HGSNAT: variants seen among roughly 807,000 people sequenced by gnomAD.
HGSNAT encodes heparan-alpha-glucosaminide N-acetyltransferase.
HGSNAT carries 59 observed loss-of-function variants against 85.2 expected under a neutral mutation model. The ratio of observed to expected loss-of-function variants is 0.69; its 90% CI spans 0.56 to 0.86. HGSNAT has a LOEUF of 0.86. Among genes scored for constraint, HGSNAT ranks in the 40% least tolerant of loss-of-function variants. The pLI is 0.00. For missense variants in HGSNAT, 756 were observed against 777.1 expected (o/e 0.97, Z 0.32); for synonymous variants, 321 against 304.5 (o/e 1.05, Z -0.56).
At chr8:43,172,745 GTCT>G (rs1276055586) in intron 8 of HGSNAT, among the ~76,000 whole-genome samples, 1 of 152,212 alleles carries the variant, frequency 6.6e-6, no homozygotes, top group African/African-American at 2.4e-5. Context: ...TGGGGGCTCT[GTCT>G]TCTAGGACTT....
rs1803880157 is a variant in HGSNAT at position 43,178,172 on chromosome 8, G to A, written c.950G>A (p.Arg317Lys). The change falls in exon 10 of 18, where the codon AGG (arginine) becomes AAG (lysine). Residue 317 changes from arginine to lysine, a missense_variant. Physicochemically the swap from Arg to Lys is conservative, Grantham distance 26 (BLOSUM62 2). Transcript: ENST00000379644. ...KFRLLGKIAW[R>K]SFLLICIGII... is the part of the protein sequence containing the mutation. ...AGATTGCTGGGGAAGATTGCATGGA[G>A]GAGTTTCCTGTTAATCTGCATAGGA... 1.3e-6 allele frequency: 2 copies of A among 1,599,132 alleles called. No individual in the cohort carries two copies. Among genetic ancestry groups the A allele is most frequent in the African/African-American group, 1.3e-5 (1 of 74,108 alleles).
intron 2 of HGSNAT, among the ~76,000 whole-genome samples, chr8:43,154,871 A>G (rs902541392): frequency 6.6e-6 from 1 of 152,098 alleles, no homozygotes; most frequent in Non-Finnish European, 1.5e-5. Context: ...CTGACTTTTT[A>G]ATGATCGCCA....
rs779347965 is a variant in HGSNAT, at chr8:43,178,099, A to G, written c.877A>G (p.Ile293Val). Reference sequence around the variant, plus strand: ...GTTTGTATTTATTATGGGATCTTCCATTTTTCTATCGATGACTTCTATACT... The same window carrying G: ...GTTTGTATTTATTATGGGATCTTCCGTTTTTCTATCGATGACTTCTATACT... ...PWFVFIMGSS[I>V]FLSMTSILQR... Residue 293 changes from isoleucine (I) to valine (V), a missense_variant, in exon 10 of 18, where the codon ATT (isoleucine) becomes GTT (valine). Physicochemically the swap from Ile to Val is conservative, Grantham distance 29. Transcript: ENST00000379644. The G allele has an allele frequency of 1.9e-6, 3 of 1,612,946 alleles. No homozygotes were observed. Among genetic ancestry groups the G allele is most frequent in the African/African-American group, 1.3e-5 (1 of 74,996 alleles).
At chr8:43,194,501 C>T (rs1427545149) in intron 14 of HGSNAT, 4 of 985,262 alleles carry the variant, frequency 4.1e-6, no homozygotes, top group South Asian at 9.4e-5. Flanking sequence ...CATGTACACT[C>T]ATATTAGTCT....
At chr8:43,153,383 A>G (rs1802980534) in intron 2 of HGSNAT, among the ~76,000 whole-genome samples, 1 of 152,132 alleles carries the variant, frequency 6.6e-6, no homozygotes, top group Non-Finnish European at 1.5e-5. Flanking sequence ...TGACATAATA[A>G]TGGTACATAT....
chr8:43,172,442 G>A, intron 8 of HGSNAT, 56 bp downstream of exon 8: 2 of 1,255,400 alleles, frequency 1.6e-6, no homozygotes, highest in Non-Finnish European at 2.3e-6. Context: ...AGAGCTTCAG[G>A]GCAGGAGAAT....
chr8:43,193,924 A>G (rs1804624779), intron 14 of HGSNAT, 81 bp downstream of exon 14: 1 of 1,576,722 alleles, frequency 6.3e-7, no homozygotes, highest in African/African-American at 1.4e-5. Flanking sequence ...TTTCATTAAA[A>G]TAATTGGAAG....
chr8:43,157,567 G>A (rs942015429), intron 2 of HGSNAT, among the ~76,000 whole-genome samples: 14 of 152,136 alleles, frequency 9.2e-5, no homozygotes, highest in African/African-American at 3.1e-4. Context: ...CCTGAGTTCA[G>A]GAGTTCAAGA....
intron 2 of HGSNAT, among the ~76,000 whole-genome samples, chr8:43,150,834 A>AAAATAAATAAATAAATAAATAAAT (rs144266684): frequency 3.4e-5 from 5 of 147,180 alleles, no homozygotes; most frequent in African/African-American, 1.3e-4. Context: ...ACTCCGTTTC[A>AAAATAAATAAATAAATAAATAAAT]AAATAAATAA....
intron 2 of HGSNAT, among the ~76,000 whole-genome samples, chr8:43,148,220 C>G (rs1802776352): frequency 6.6e-6 from 1 of 151,780 alleles, no homozygotes; most frequent in African/African-American, 2.4e-5. Context: ...CCAGCCTGGG[C>G]AACAAAAGCG....
intron 2 of HGSNAT, among the ~76,000 whole-genome samples, chr8:43,150,018 A>G (rs7013114): frequency 6.6e-6 from 1 of 151,980 alleles, no homozygotes; most frequent in Non-Finnish European, 1.5e-5. Context: ...GTGCAGTGGC[A>G]CGATCTCACC....
At chr8:43,140,996 C>T (rs532726881) in intron 1 of HGSNAT, among the ~76,000 whole-genome samples, 14 of 152,320 alleles carry the variant, frequency 9.2e-5, no homozygotes, top group Non-Finnish European at 7.4e-5. Flanking sequence ...CGGGGGGGCT[C>T]GGACTCCCCC....
At chr8:43,154,449 G>T (rs986838274) in intron 2 of HGSNAT, among the ~76,000 whole-genome samples, 1 of 151,340 alleles carries the variant, frequency 6.6e-6, no homozygotes, top group African/African-American at 2.4e-5. Flanking sequence ...GCGGTGTTTG[G>T]TTTTTTGTCC....
chr8:43,155,147 C>A (rs776145342), intron 2 of HGSNAT, among the ~76,000 whole-genome samples: 2 of 151,950 alleles, frequency 1.3e-5, no homozygotes, highest in East Asian at 1.9e-4. Flanking sequence ...TTTTTAGGAA[C>A]CTTCATATTG....
At chr8:43,173,764 C>G (rs746177402) in intron 9 of HGSNAT, 21 bp downstream of exon 9, 4 of 1,609,206 alleles carry the variant, frequency 2.5e-6, no homozygotes, top group Middle Eastern at 1.7e-4. Context: ...GGTCTGCCCT[C>G]TTCTCTTCCA....
At chr8:43,177,677 A>G (rs1288148592) in intron 9 of HGSNAT, among the ~76,000 whole-genome samples, 1 of 152,102 alleles carries the variant, frequency 6.6e-6, no homozygotes, top group Non-Finnish European at 1.5e-5. Flanking sequence ...TTTTTCTTTC[A>G]GGTGCAGAAG....
At chr8:43,193,690 C>T in intron 13 of HGSNAT, 67 bp from the exon 14 acceptor site, 3 of 1,042,150 alleles carry the variant, frequency 2.9e-6, no homozygotes, top group Non-Finnish European at 4.5e-6. Context: ...TGTATTTGGT[C>T]TAGGAGCTGT....
intron 9 of HGSNAT, among the ~76,000 whole-genome samples, chr8:43,177,814 G>C (rs1298248297): frequency 1.3e-5 from 2 of 152,068 alleles, no homozygotes; most frequent in African/African-American, 4.8e-5. Flanking sequence ...GAAATGGGAG[G>C]GTTGTCTTTG....
At position 43,147,067 on chromosome 8, in the gene HGSNAT, T is replaced by G. The variant is rs750423546; in HGVS notation, c.234+4T>G. 6.5e-7 allele frequency: 1 copy of G among 1,547,238 alleles called. No individual in the cohort carries two copies. Among genetic ancestry groups the G allele is most frequent in the South Asian group, 1.2e-5 (1 of 86,130 alleles). ...GAAATCTGAATGCTGTTATCACGTA[T>G]GTATCAGTTCACACTCAGTTCTGTT... On this transcript the variant is annotated splice_donor_region_variant and intron_variant, in intron 2 of 17. Transcript: ENST00000379644.
Sources: allele counts gnomAD v4.1 joint callset (sites outside exome capture counted in the v4.1 genomes callset), GRCh38; gene constraint gnomAD v4.1.1; transcripts MANE v1.5; gene names NCBI Gene and HGNC (gene_info 2026-07-23, HGNC 2026-07-21).